The following HPS3 variants were observed in gnomAD, a reference collection of about 807,000 sequenced individuals.
HPS3 encodes the protein BLOC-2 complex member HPS3.
A neutral mutation model predicts 110.9 loss-of-function variants in HPS3; 79 were observed. The observed-to-expected ratio is 0.71, with a 90% CI of 0.59 to 0.86. The LOEUF (loss-of-function observed/expected upper bound fraction) is 0.86, where lower values mean the gene tolerates loss of function less well. HPS3 is among the 40% of genes least tolerant of loss of function. The pLI is 0.00. For missense variants in HPS3, 1,197 were observed against 1,206.2 expected, an observed-to-expected ratio of 0.99 and a Z score of 0.11; for synonymous variants, 428 against 451.0, an observed-to-expected ratio of 0.95 and a Z score of 0.65.
At chr3:149,143,562 G>A (rs1226939128) in intron 4 of HPS3, among the ~76,000 whole-genome samples, 1 of 152,178 alleles carries the variant, frequency 6.6e-6, no homozygotes, top group Non-Finnish European at 1.5e-5. Flanking sequence ...GCAGCACTTA[G>A]TAGGTACCTG....
chr3:149,147,665 G>A (rs528332579), intron 5 of HPS3, among the ~76,000 whole-genome samples: 1 of 152,196 alleles, frequency 6.6e-6, no homozygotes, highest in South Asian at 2.1e-4. Flanking sequence ...GTACATATTT[G>A]GAGTGTAGAG....
chr3:149,141,543 T>TGG lies in HPS3; in HGVS notation c.970+163_970+164insGG, dbSNP rs1559910025. 8.2e-4 allele frequency among the ~76,000 whole-genome samples: 113 copies of TGG among 138,362 alleles called. 1 individual carries two copies. Among genetic ancestry groups the TGG allele is most frequent in the Admixed American group, 7.5e-3 (107 of 14,226 alleles). 90.8% of individuals were successfully genotyped at this position (138,362 alleles called of 152,430 possible). ...AGTTTTTTTTTTTGTTTTTTTTTTTTTTTTTTTTTGAGACTGAGTCTCGCT... is the reference window on the plus strand; with the variant it reads ...AGTTTTTTTTTTTGTTTTTTTTTTTTGGTTTTTTTTTGAGACTGAGTCTCGCT... On this transcript the variant is annotated intron_variant, in intron 4 of 16. Coordinates refer to ENST00000296051, the MANE Select transcript of HPS3 (RefSeq NM_032383.5).
At chr3:149,151,844 T>C (rs16861552) in intron 6 of HPS3, among the ~76,000 whole-genome samples, 39,927 of 152,128 alleles carry the variant, frequency 0.26, 5,690 homozygotes, top group African/African-American at 0.38. Flanking sequence ...TTTATATCTG[T>C]CTGGAAACTG....
At chr3:149,145,289 T>A (rs1167604443) in intron 4 of HPS3, 65 bp from the exon 5 acceptor site, 2 of 1,251,584 alleles carry the variant, frequency 1.6e-6, no homozygotes, top group African/African-American at 1.5e-5. Context: ...AAAGTCAATA[T>A]ATGATTATTT....
At chr3:149,151,587 TAAAAAA>T (rs1167453087) in intron 6 of HPS3, among the ~76,000 whole-genome samples, 47 of 40,336 alleles carry the variant, frequency 1.2e-3, no homozygotes, top group Admixed American at 2.7e-3. Context: ...GCTTGGTTTC[TAAAAAA>T]AAAAAAAAAA....
chr3:149,158,295 T>C (rs1723579036), intron 9 of HPS3, among the ~76,000 whole-genome samples: 1 of 152,244 alleles, frequency 6.6e-6, no homozygotes, highest in Non-Finnish European at 1.5e-5. Flanking sequence ...CGATCATGAA[T>C]ATTAGAATTA....
chr3:149,138,376 T>C (rs1192399771), intron 1 of HPS3, among the ~76,000 whole-genome samples: 1 of 152,220 alleles, frequency 6.6e-6, no homozygotes, highest in African/African-American at 2.4e-5. Flanking sequence ...AGTGTTAATA[T>C]AATAGAGTCT....
chr3:149,167,368 G>A (rs1724529109), intron 15 of HPS3, 128 bp downstream of exon 15: 2 of 736,224 alleles, frequency 2.7e-6, no homozygotes, highest in Non-Finnish European at 4.8e-6. Context: ...TGGGTCCATT[G>A]AGCATATATG....
chr3:149,163,299 C>T (rs140627235), intron 13 of HPS3, among the ~76,000 whole-genome samples: 115 of 152,298 alleles, frequency 7.6e-4, no homozygotes, highest in African/African-American at 2.6e-3. Flanking sequence ...CCCCCATTTC[C>T]TGTCTGTTGC....
rs777231166 is a variant in HPS3, at chr3:149,145,421, C to A, written c.1038C>A (p.Phe346Leu). The A allele has an allele frequency of 6.2e-7, 1 of 1,613,828 alleles. No homozygotes were observed. Among genetic ancestry groups the A allele is most frequent in the Non-Finnish European group, 8.5e-7 (1 of 1,179,934 alleles). ...AATTGCTGAGTCTCTTTTGCTTTTTCTCCTTACCTCATGTGGGCTATCTCT... is the reference window on the plus strand; with the variant it reads ...AATTGCTGAGTCTCTTTTGCTTTTTATCCTTACCTCATGTGGGCTATCTCT... ...EKELLSLFCFFSLPHVGYLYM... is the reference protein window; with the variant it reads ...EKELLSLFCFLSLPHVGYLYM... The change falls in exon 5 of 17, where the codon TTC becomes TTA. Residue 346 changes from phenylalanine (F) to leucine (L), a missense_variant. By Grantham distance (22) the Phe-to-Leu change is conservative. Transcript: ENST00000296051.
At position 149,129,910 on chromosome 3, in the gene HPS3, C is replaced by A; in HGVS notation, c.187C>A (p.Arg63=). Residue 63 remains arginine (R), a synonymous_variant, in exon 1 of 17, where the codon CGG becomes AGG. Coordinates refer to ENST00000296051, the MANE Select transcript of HPS3 (RefSeq NM_032383.5). ...QPRCAFSTLG[R]VLRLAYSEAG... The stretch of plus-strand genomic sequence containing the variant: ...GCGGTGCGCCTTCTCCACGCTGGGC[C>A]GGGTGTTGCGCCTGGCCTACAGCGA... The A allele has an allele frequency of 1.3e-6, 2 of 1,566,928 alleles. No individual in the cohort carries two copies. The highest frequency in any genetic ancestry group is 4.7e-5 in the East Asian group (2 of 42,480).
chr3:149,154,974 G>A (rs2108154893), intron 7 of HPS3, 133 bp from the exon 8 acceptor site: 3 of 664,194 alleles, frequency 4.5e-6, no homozygotes, highest in East Asian at 2.7e-5. Flanking sequence ...GAAATAGAGT[G>A]TACAGTTAAT....
chr3:149,154,563 A>G (rs1014099699), intron 7 of HPS3, among the ~76,000 whole-genome samples: 1 of 150,778 alleles, frequency 6.6e-6, no homozygotes, highest in Non-Finnish European at 1.5e-5. Flanking sequence ...TAAAAATTCT[A>G]ATTCATTTGA....
Position 149,159,955 on chromosome 3 carries a change from T to C in HPS3, c.1873-91T>C, listed in dbSNP as rs1723685032. ...TTATCTTACTTGGAATGTTTGTGTC[T>C]TGGCTTTTTGCACATATGTTTTGCT... On this transcript the variant is annotated intron_variant, in intron 10 of 16. Transcript: ENST00000296051. The C allele has an allele frequency of 3.4e-6, 3 of 887,868 alleles. No individual in the cohort carries two copies. The Admixed American group carries it at 5.2e-5, about 15-fold the overall frequency. The allele number at this position is 887,868 out of a possible 1,614,324, so 55.0% of individuals were successfully genotyped here. A position where few individuals can be genotyped will look rare whatever the true frequency, so the allele number is the denominator to read the frequency against.
rs544206233 is a variant in HPS3, at chr3:149,137,325, C to T, written c.218-2679C>T. Among the ~76,000 whole-genome samples the T allele has an allele frequency of 1.7e-4, 26 of 152,278 alleles. 1 individual carries two copies. Among genetic ancestry groups the T allele is most frequent in the African/African-American group, 6.3e-4 (26 of 41,572 alleles). ...CTGTTATTAATAAAACAGAAATTAA[C>T]GTGTTGGGGAGAATGTGGAGAAATT... is the stretch of plus-strand genomic sequence containing the variant. On this transcript the variant is annotated intron_variant, in intron 1 of 16. Coordinates refer to ENST00000296051, the MANE Select transcript of HPS3 (RefSeq NM_032383.5).
rs761541677 is a variant in HPS3, at chr3:149,163,982, T to C, written c.2589+33T>C. ...AAAATACCTCCTTTTCTTATGAAAT[T>C]GCATATTACAATATAGTGTAAGATT... On this transcript the variant is annotated intron_variant, in intron 14 of 16. Coordinates refer to ENST00000296051, the MANE Select transcript of HPS3 (RefSeq NM_032383.5). 1.2e-5 allele frequency: 13 copies of C among 1,041,000 alleles called. No individual in the cohort carries two copies. The Admixed American group carries it at 2.2e-4, about 18-fold the overall frequency. The allele number at this position is 1,041,000 out of a possible 1,614,324, so 64.5% of individuals were successfully genotyped here.
Position 149,173,473 on chromosome 3 carries a change from T to C in HPS3, c.*1251T>C. 2.8e-6 allele frequency: 1 copy of C among 357,874 alleles called. No individual in the cohort carries two copies. Among genetic ancestry groups the C allele is most frequent in the East Asian group, 5.0e-5 (1 of 20,024 alleles). The allele number at this position is 357,874 out of a possible 1,614,324, so 22.2% of individuals were successfully genotyped here. ...TAACAGCGGTGATATCATTAGACTG[T>C]ATGAATCAGTTTTATTACCTAGTGT... On this transcript the variant is annotated 3_prime_UTR_variant, in exon 17 of 17. Transcript: ENST00000296051.
intron 1 of HPS3, among the ~76,000 whole-genome samples, chr3:149,134,107 T>C (rs1721935271): frequency 6.6e-6 from 1 of 152,262 alleles, no homozygotes; most frequent in Admixed American, 6.5e-5. Context: ...ATTGGTTTTT[T>C]GTTTTTGTTT....
intron 1 of HPS3, among the ~76,000 whole-genome samples, chr3:149,138,712 G>T (rs1055589455): frequency 7.9e-5 from 12 of 152,086 alleles, no homozygotes; most frequent in Non-Finnish European, 1.8e-4. Context: ...GTCATGATAA[G>T]AAAAACAAAT....
Sources: allele counts gnomAD v4.1 joint callset (sites outside exome capture counted in the v4.1 genomes callset), GRCh38; gene constraint gnomAD v4.1.1; transcripts MANE v1.5; gene names NCBI Gene and HGNC (gene_info 2026-07-23, HGNC 2026-07-21).